The following SPOPL variants were observed in gnomAD, a reference collection of about 807,000 sequenced individuals.
The protein encoded by SPOPL is speckle-type POZ protein-like.
SPOPL carries 23 observed loss-of-function variants against 53.8 expected under a neutral mutation model. That is an observed-to-expected ratio of 0.43 (90% CI 0.31 to 0.61). The LOEUF is 0.61. SPOPL is among the 20% of genes least tolerant of loss of function. SPOPL has a pLI of 0.12. For missense variants in SPOPL, 442 were observed against 466.9 expected (o/e 0.95, Z 0.49); for synonymous variants, 164 against 149.7 (o/e 1.10, Z -0.70).
chr2:138,536,435 TG>T (rs1260734569), intron 1 of SPOPL, among the ~76,000 whole-genome samples: 5 of 152,140 alleles, frequency 3.3e-5, no homozygotes, highest in Admixed American at 3.3e-4. Flanking sequence ...CCCTGGGTGA[TG>T]GTGGTTTGGC....
At chr2:138,545,483 G>T (rs929780475) in intron 1 of SPOPL, among the ~76,000 whole-genome samples, 1 of 151,882 alleles carries the variant, frequency 6.6e-6, no homozygotes, top group African/African-American at 2.4e-5. Context: ...GCCCAGGCTG[G>T]AGTGCAGTGG....
chr2:138,513,325 C>T (rs1261298461), intron 1 of SPOPL, among the ~76,000 whole-genome samples: 3 of 152,032 alleles, frequency 2.0e-5, no homozygotes, highest in South Asian at 4.1e-4. Context: ...AGGCCGAGGC[C>T]GGTGGATCAC....
chr2:138,510,690 A>G (rs911517138), intron 1 of SPOPL, among the ~76,000 whole-genome samples: 2 of 152,150 alleles, frequency 1.3e-5, no homozygotes, highest in African/African-American at 4.8e-5. Flanking sequence ...CTTCACATTA[A>G]AGTATAATTA....
In SPOPL at chr2:138,544,862, A is replaced by G. The variant is rs993816155; in HGVS notation, c.-60-5295A>G. On this transcript the variant is annotated intron_variant, in intron 1 of 10. Coordinates refer to ENST00000280098, the MANE Select transcript of SPOPL (RefSeq NM_001001664.3). ...CTGTAGACTGGAGCTGTTCCTATTC[A>G]GCCATCTTGGCTCCACCCCCCACCT... is the stretch of plus-strand genomic sequence containing the variant. Among the ~76,000 whole-genome samples the G allele has an allele frequency of 3.3e-5, 5 of 152,306 alleles. No individual in the cohort carries two copies. The South Asian group carries it at 6.2e-4, about 19-fold the overall frequency.
At chr2:138,552,705 A>ATGT in intron 5 of SPOPL, 24 bp downstream of exon 5, 1 of 1,602,932 alleles carries the variant, frequency 6.2e-7, no homozygotes, top group Non-Finnish European at 8.5e-7. Flanking sequence ...TTATTCTAAG[A>ATGT]ACCCCATGGT....
chr2:138,512,571 T>G (rs1384286687), intron 1 of SPOPL, among the ~76,000 whole-genome samples: 1 of 152,216 alleles, frequency 6.6e-6, no homozygotes, highest in African/African-American at 2.4e-5. Context: ...TTTTGTTGGT[T>G]CACCTTGAGA....
intron 7 of SPOPL, among the ~76,000 whole-genome samples, chr2:138,560,540 T>A (rs1391759441): frequency 6.6e-6 from 1 of 152,000 alleles, no homozygotes; most frequent in Non-Finnish European, 1.5e-5. Flanking sequence ...GGATATGGGC[T>A]CTCCAGCTGG....
At chr2:138,507,965 T>C (rs895174127) in intron 1 of SPOPL, among the ~76,000 whole-genome samples, 4 of 152,202 alleles carry the variant, frequency 2.6e-5, no homozygotes, top group Non-Finnish European at 5.9e-5. Context: ...ATGGAAGAAA[T>C]TTTATACATG....
At chr2:138,536,976 T>G (rs4290714) in intron 1 of SPOPL, among the ~76,000 whole-genome samples, 1,654 of 152,258 alleles carry the variant, frequency 0.011, 34 homozygotes, top group African/African-American at 0.038. Flanking sequence ...TCACGCTCTT[T>G]GTATGGAACC....
intron 1 of SPOPL, among the ~76,000 whole-genome samples, chr2:138,532,420 C>CTTTT (rs769229731): frequency 8.3e-4 from 44 of 53,240 alleles, no homozygotes; most frequent in African/African-American, 2.1e-3. Context: ...TTTTTGTTCG[C>CTTTT]TTTTTTTTTT....
At chr2:138,564,670 G>A (rs2104905953) in intron 8 of SPOPL, 38 bp from the exon 9 acceptor site, 2 of 1,609,932 alleles carry the variant, frequency 1.2e-6, no homozygotes, top group Non-Finnish European at 1.7e-6. Flanking sequence ...AACTTAGTTG[G>A]AGTAAATGTT....
At chr2:138,517,690 G>C (rs1185999344) in intron 1 of SPOPL, among the ~76,000 whole-genome samples, 1 of 150,584 alleles carries the variant, frequency 6.6e-6, no homozygotes. Context: ...AGTGAGCCAA[G>C]ATCGCGCCAC....
At chr2:138,529,539 C>T (rs867418078) in intron 1 of SPOPL, among the ~76,000 whole-genome samples, 84 of 131,906 alleles carry the variant, frequency 6.4e-4, no homozygotes, top group South Asian at 5.1e-3. Flanking sequence ...TGTGTGTTTG[C>T]GTGCGCGCGC....
chr2:138,571,070 C>T lies in SPOPL; in HGVS notation c.*1990C>T, dbSNP rs1685770188. The T allele has an allele frequency of 6.6e-6, 1 of 151,982 alleles. No individual in the cohort carries two copies. Among genetic ancestry groups the T allele is most frequent in the Admixed American group, 6.6e-5 (1 of 15,242 alleles). The allele number at this position is 151,982 out of a possible 1,614,324, so 9.4% of individuals were successfully genotyped here. ...TCCTTAAATCCATCGTAAGATTGAG[C>T]CTCAAGTTTGCAATATACAATTTTA... On this transcript the variant is annotated 3_prime_UTR_variant, in exon 11 of 11. Coordinates refer to ENST00000280098, the MANE Select transcript of SPOPL (RefSeq NM_001001664.3).
At chr2:138,558,628 T>C (rs1685477839) in intron 5 of SPOPL, among the ~76,000 whole-genome samples, 1 of 152,102 alleles carries the variant, frequency 6.6e-6, no homozygotes, top group South Asian at 2.1e-4. Context: ...GTACATATAG[T>C]AAAATTTAAA....
At chr2:138,545,113 C>T (rs976586948) in intron 1 of SPOPL, among the ~76,000 whole-genome samples, 1 of 152,168 alleles carries the variant, frequency 6.6e-6, no homozygotes, top group East Asian at 1.9e-4. Flanking sequence ...TGTCCCCTAC[C>T]TCAGGGAAGC....
At chr2:138,564,446 G>GT (rs1395400274) in intron 8 of SPOPL, 1 of 387,780 alleles carries the variant, frequency 2.6e-6, no homozygotes, top group East Asian at 4.8e-5. Flanking sequence ...AGAATATTGA[G>GT]TAATAAGGTA....
At chr2:138,512,429 T>C (rs185110658) in intron 1 of SPOPL, among the ~76,000 whole-genome samples, 1 of 152,136 alleles carries the variant, frequency 6.6e-6, no homozygotes, top group African/African-American at 2.4e-5. Context: ...GATTCAGAAA[T>C]TTTTTTAAAG....
At chr2:138,524,715 C>CT (rs1250201723) in intron 1 of SPOPL, among the ~76,000 whole-genome samples, 1 of 152,222 alleles carries the variant, frequency 6.6e-6, no homozygotes, top group Non-Finnish European at 1.5e-5. Flanking sequence ...TAAAACGTAA[C>CT]AAGACCCACC....
Sources: allele counts gnomAD v4.1 joint callset (sites outside exome capture counted in the v4.1 genomes callset), GRCh38; gene constraint gnomAD v4.1.1; transcripts MANE v1.5; gene names NCBI Gene and HGNC (gene_info 2026-07-23, HGNC 2026-07-21).